The following DNAH14 variants were observed in gnomAD, a reference collection of about 807,000 sequenced individuals.
DNAH14 encodes the protein axonemal beta dynein heavy chain 14.
DNAH14 carries 478 observed loss-of-function variants against 520.9 expected under a neutral mutation model. The observed-to-expected ratio is 0.92, with a 90% CI of 0.85 to 0.99. The LOEUF (loss-of-function observed/expected upper bound fraction) is 0.99. Among genes scored for constraint, DNAH14 ranks in the 50% least tolerant of loss-of-function variants. DNAH14 has a pLI of 0.00. For synonymous variants in DNAH14, 1,581 were observed against 1,757.2 expected (o/e 0.90, Z 2.51); for missense variants, 4,831 against 5,234.5 (o/e 0.92, Z 2.38).
intron 33 of DNAH14, 137 bp downstream of exon 33, chr1:225,153,020 A>C: frequency 1.1e-6 from 1 of 930,924 alleles, no homozygotes; most frequent in Non-Finnish European, 1.5e-6. Context: ...AAAATAATGG[A>C]GCTAGAATTT....
chr1:225,293,116 A>G (rs2093929893), intron 55 of DNAH14, among the ~76,000 whole-genome samples: 2 of 152,208 alleles, frequency 1.3e-5, no homozygotes, highest in African/African-American at 4.8e-5. Context: ...TCAAAACGAC[A>G]ATAAGATACC....
chr1:225,187,182 A>C (rs2084867450), intron 37 of DNAH14, among the ~76,000 whole-genome samples: 1 of 151,896 alleles, frequency 6.6e-6, no homozygotes, highest in African/African-American at 2.4e-5. Flanking sequence ...CATGAGATAA[A>C]CCATTTTAAA....
intron 40 of DNAH14, 81 bp downstream of exon 40, chr1:225,206,260 T>C (rs2087537312): frequency 1.2e-5 from 15 of 1,256,044 alleles, no homozygotes; most frequent in Non-Finnish European, 1.5e-5. Context: ...CAGCATTTTA[T>C]GTTTATTTTA....
intron 27 of DNAH14, among the ~76,000 whole-genome samples, chr1:225,128,359 A>G (rs1253101747): frequency 6.6e-6 from 1 of 152,150 alleles, no homozygotes; most frequent in African/African-American, 2.4e-5. Flanking sequence ...CAGAGACACA[A>G]CCAAAAAAGA....
intron 8 of DNAH14, among the ~76,000 whole-genome samples, chr1:224,992,439 A>G (rs1280797500): frequency 6.6e-6 from 1 of 152,024 alleles, no homozygotes; most frequent in African/African-American, 2.4e-5. Flanking sequence ...CACCTCATTG[A>G]TTAAATTTAT....
intron 4 of DNAH14, among the ~76,000 whole-genome samples, chr1:224,963,514 G>A (rs963683228): frequency 2.6e-5 from 4 of 151,988 alleles, no homozygotes; most frequent in African/African-American, 9.7e-5. Flanking sequence ...TAATCGCTCT[G>A]TTGATTTGAA....
chr1:225,258,153 A>G, intron 45 of DNAH14, 35 bp downstream of exon 45: 2 of 1,433,992 alleles, frequency 1.4e-6, no homozygotes, highest in Non-Finnish European at 1.8e-6. Flanking sequence ...AGAATTTCAG[A>G]GTTAGAAAAA....
intron 56 of DNAH14, among the ~76,000 whole-genome samples, chr1:225,302,495 C>T (rs1246777051): frequency 5.9e-5 from 9 of 152,168 alleles, no homozygotes; most frequent in Non-Finnish European, 1.2e-4. Flanking sequence ...AACACTAAGT[C>T]ACTGAGGCTG....
chr1:225,186,956 T>C (rs1319003574), intron 37 of DNAH14, among the ~76,000 whole-genome samples: 1 of 151,896 alleles, frequency 6.6e-6, no homozygotes, highest in East Asian at 1.9e-4. Flanking sequence ...ACTTTCTTCT[T>C]ACTGGTCTGT....
intron 55 of DNAH14, among the ~76,000 whole-genome samples, chr1:225,296,353 C>G (rs1292728018): frequency 1.3e-5 from 2 of 152,074 alleles, no homozygotes; most frequent in Admixed American, 1.3e-4. Flanking sequence ...AAACACCGTG[C>G]CTGGCCAAAT....
chr1:225,324,182 A>G, intron 62 of DNAH14, 40 bp from the exon 63 acceptor site: 1 of 1,546,868 alleles, frequency 6.5e-7, no homozygotes, highest in Non-Finnish European at 8.7e-7. Context: ...GGTGAATAAT[A>G]TTTCTTTCTC....
chr1:225,344,492 T>A (rs1447752690), intron 69 of DNAH14, among the ~76,000 whole-genome samples: 1 of 152,206 alleles, frequency 6.6e-6, no homozygotes, highest in African/African-American at 2.4e-5. Context: ...TAGTTTTGTG[T>A]TTCTGTGTTA....
At chr1:224,955,234 A>G (rs1374600790) in intron 3 of DNAH14, 136 bp downstream of exon 3, 2 of 929,338 alleles carry the variant, frequency 2.2e-6, no homozygotes, top group Non-Finnish European at 1.7e-6. Context: ...TACTAACTTC[A>G]TTAGTTATAG....
At chr1:225,185,043 A>C (rs2084521862) in intron 36 of DNAH14, among the ~76,000 whole-genome samples, 1 of 152,130 alleles carries the variant, frequency 6.6e-6, no homozygotes, top group Non-Finnish European at 1.5e-5. Flanking sequence ...AATTTTAAAA[A>C]ACATAGCCAA....
chr1:225,328,573 T>C (rs943625855), intron 64 of DNAH14, among the ~76,000 whole-genome samples: 6 of 152,134 alleles, frequency 3.9e-5, no homozygotes, highest in Admixed American at 6.5e-5. Flanking sequence ...TCCTTCCAGT[T>C]AAAAATAGGT....
chr1:224,970,001 G>A (rs1474887857), intron 7 of DNAH14, among the ~76,000 whole-genome samples: 2 of 152,176 alleles, frequency 1.3e-5, no homozygotes, highest in Non-Finnish European at 2.9e-5. Context: ...CAGGATAACA[G>A]CAATGTTCAG....
intron 61 of DNAH14, 137 bp from the exon 62 acceptor site, chr1:225,322,527 A>G (rs2094577142): frequency 1.3e-6 from 1 of 770,420 alleles, no homozygotes; most frequent in African/African-American, 1.8e-5. Flanking sequence ...TAAGTAATTA[A>G]ATAGCTATAT....
chr1:225,371,583 A>AGAT (rs1247429001), intron 77 of DNAH14, among the ~76,000 whole-genome samples: 1 of 152,200 alleles, frequency 6.6e-6, no homozygotes, highest in African/African-American at 2.4e-5. Context: ...AAATTCAATG[A>AGAT]GATAAAATTA....
intron 34 of DNAH14, among the ~76,000 whole-genome samples, chr1:225,158,027 C>T (rs1476463233): frequency 6.6e-6 from 1 of 151,992 alleles, no homozygotes; most frequent in Non-Finnish European, 1.5e-5. Flanking sequence ...TTCAAAATAA[C>T]CTGAAGAGAA....
Sources: gnomAD v4.1 joint callset for allele counts (sites outside exome capture counted in the v4.1 genomes callset) on GRCh38, gnomAD v4.1.1 for gene constraint, MANE v1.5 for transcripts, NCBI Gene and HGNC (gene_info 2026-07-23, HGNC 2026-07-21) for gene names.